Variants in SAMD3 observed in about 807,000 individuals in gnomAD.
SAMD3 encodes the protein sterile alpha motif domain containing 3.
SAMD3 carries 63 observed loss-of-function variants against 58.5 expected under a neutral mutation model. The ratio of observed to expected loss-of-function variants is 1.08; its 90% CI spans 0.88 to 1.33. SAMD3 has a LOEUF of 1.33. Ranked by LOEUF, SAMD3 falls within the 40% of genes most tolerant of loss-of-function variation. The probability of loss-of-function intolerance (pLI) is 0.00; values close to 1 mark genes in which losing one functional copy is unlikely to be tolerated. For synonymous variants in SAMD3, 220 were observed against 210.3 expected (o/e 1.05, Z -0.40); for missense variants, 604 against 608.4 (o/e 0.99, Z 0.08).
At chr6:130,328,339 G>T (rs1309192487) in intron 1 of SAMD3, among the ~76,000 whole-genome samples, 1 of 152,124 alleles carries the variant, frequency 6.6e-6, no homozygotes, top group African/African-American at 2.4e-5. Flanking sequence ...TTCCTGGTGG[G>T]CTAAACTCTG....
At chr6:130,200,242 C>T (rs997498476) in intron 5 of SAMD3, among the ~76,000 whole-genome samples, 5 of 152,060 alleles carry the variant, frequency 3.3e-5, no homozygotes, top group African/African-American at 1.2e-4. Context: ...GCTATCACCT[C>T]TCAGTCCCTC....
intron 5 of SAMD3, 113 bp from the exon 6 acceptor site, chr6:130,184,736 T>A: frequency 5.1e-6 from 4 of 780,792 alleles, no homozygotes; most frequent in Non-Finnish European, 7.9e-6. Context: ...GACCCAAATA[T>A]ATGGAAGTCA....
upstream of SAMD3, among the ~76,000 whole-genome samples, chr6:130,224,222 C>T (rs376683033): frequency 9.9e-5 from 15 of 152,094 alleles, no homozygotes; most frequent in African/African-American, 1.7e-4. Flanking sequence ...GATGTCCAGC[C>T]GCTTGTGTCT....
intron 1 of SAMD3, among the ~76,000 whole-genome samples, chr6:130,324,586 C>T (rs1243299061): frequency 6.6e-6 from 1 of 152,084 alleles, no homozygotes; most frequent in African/African-American, 2.4e-5. Context: ...TACTTTCTTT[C>T]CCCTTGAAGT....
intron 1 of SAMD3, among the ~76,000 whole-genome samples, chr6:130,361,490 A>T (rs1485553909): frequency 1.3e-5 from 2 of 152,206 alleles, no homozygotes; most frequent in African/African-American, 4.8e-5. Context: ...GTATGTGTGT[A>T]CAGTCTGTTG....
chr6:130,314,652 G>T (rs998295448), intron 1 of SAMD3, among the ~76,000 whole-genome samples: 12 of 152,150 alleles, frequency 7.9e-5, no homozygotes, highest in South Asian at 2.1e-4. Context: ...ATATTGAATT[G>T]AATTTAATTT....
intron 9 of SAMD3, among the ~76,000 whole-genome samples, chr6:130,153,093 T>C (rs1376875936): frequency 6.6e-6 from 1 of 152,220 alleles, no homozygotes; most frequent in African/African-American, 2.4e-5. Flanking sequence ...GTGTCACACG[T>C]GGTGCTCTGC....
chr6:130,158,643 T>G (rs1395920870), intron 8 of SAMD3, among the ~76,000 whole-genome samples: 1 of 152,232 alleles, frequency 6.6e-6, no homozygotes, highest in African/African-American at 2.4e-5. Context: ...TTGTCCAGGT[T>G]CTTGGCGTTT....
chr6:130,264,611 C>T (rs146209675), intron 2 of SAMD3, among the ~76,000 whole-genome samples: 1 of 152,302 alleles, frequency 6.6e-6, no homozygotes, highest in East Asian at 1.9e-4. Flanking sequence ...TCAACTCTCA[C>T]ATCTATTTAG....
chr6:130,224,058 G>GA (rs1235139358), upstream of SAMD3, among the ~76,000 whole-genome samples: 1 of 152,092 alleles, frequency 6.6e-6, no homozygotes, highest in Non-Finnish European at 1.5e-5. Context: ...TCCACAAGGG[G>GA]AATGGAATGG....
At chr6:130,360,754 A>T (rs1289665855) in intron 1 of SAMD3, among the ~76,000 whole-genome samples, 1 of 152,134 alleles carries the variant, frequency 6.6e-6, no homozygotes, top group East Asian at 1.9e-4. Flanking sequence ...GCTATGGGAG[A>T]CTGGGATTTA....
chr6:130,276,169 G>A (rs1230176103), intron 2 of SAMD3, among the ~76,000 whole-genome samples: 1 of 152,026 alleles, frequency 6.6e-6, no homozygotes, highest in East Asian at 1.9e-4. Flanking sequence ...GAAAGTATGT[G>A]GCCTTTAGAA....
intron 8 of SAMD3, among the ~76,000 whole-genome samples, chr6:130,166,570 T>A (rs1294765018): frequency 6.6e-6 from 1 of 152,148 alleles, no homozygotes; most frequent in Non-Finnish European, 1.5e-5. Flanking sequence ...GAACTGCAGA[T>A]GACTTAAAGA....
At chr6:130,158,023 T>A (rs1455772781) in intron 8 of SAMD3, among the ~76,000 whole-genome samples, 1 of 152,134 alleles carries the variant, frequency 6.6e-6, no homozygotes. Context: ...TGGAAGACTT[T>A]TAAGAAAATT....
intron 2 of SAMD3, among the ~76,000 whole-genome samples, chr6:130,304,150 A>C (rs890665049): frequency 1.3e-5 from 2 of 152,162 alleles, no homozygotes; most frequent in Non-Finnish European, 2.9e-5. Flanking sequence ...TACACGGTTA[A>C]ACAATGGTTT....
chr6:130,183,312 G>A (rs1792564366), intron 7 of SAMD3: 1 of 435,842 alleles, frequency 2.3e-6, no homozygotes, highest in South Asian at 1.6e-5. Flanking sequence ...ACTCCAGCCT[G>A]AGTGAGAGAG....
chr6:130,196,414 C>A (rs535796525), intron 5 of SAMD3, among the ~76,000 whole-genome samples: 1 of 152,244 alleles, frequency 6.6e-6, no homozygotes, highest in East Asian at 1.9e-4. Flanking sequence ...CACACCTGAC[C>A]CTCATGACTG....
intron 2 of SAMD3, among the ~76,000 whole-genome samples, chr6:130,271,298 C>T (rs1046208966): frequency 1.3e-5 from 2 of 152,186 alleles, no homozygotes; most frequent in African/African-American, 4.8e-5. Flanking sequence ...CTGCACAAAC[C>T]TCTTGTCAGC....
chr6:130,191,242 CTT>C (rs1398353258), intron 5 of SAMD3, among the ~76,000 whole-genome samples: 1 of 152,074 alleles, frequency 6.6e-6, no homozygotes, highest in African/African-American at 2.4e-5. Context: ...ATGTCAGTCT[CTT>C]TGACCAATTA....
Sources: allele counts gnomAD v4.1 joint callset (sites outside exome capture counted in the v4.1 genomes callset), GRCh38; gene constraint gnomAD v4.1.1; transcripts MANE v1.5; gene names NCBI Gene and HGNC (gene_info 2026-07-23, HGNC 2026-07-21).